Variants in SNTG1 observed in about 807,000 individuals in gnomAD.
SNTG1 encodes syntrophin gamma 1.
A neutral mutation model predicts 74.7 loss-of-function variants in SNTG1; 39 were observed. That is an observed-to-expected ratio of 0.52 (90% CI 0.40 to 0.68). SNTG1 has a LOEUF of 0.68. SNTG1 is among the 30% of genes least tolerant of loss of function. SNTG1 has a pLI of 0.00. For missense variants in SNTG1, 685 were observed against 609.5 expected, an observed-to-expected ratio of 1.12 and a Z score of -1.30; for synonymous variants, 254 against 217.1, an observed-to-expected ratio of 1.17 and a Z score of -1.49.
intron 8 of SNTG1, among the ~76,000 whole-genome samples, chr8:50,475,332 T>A (rs914841475): frequency 1.7e-4 from 26 of 152,238 alleles, no homozygotes; most frequent in African/African-American, 4.6e-4. Flanking sequence ...AAAATTTTTT[T>A]AAAATCATGA....
intron 1 of SNTG1, among the ~76,000 whole-genome samples, chr8:49,982,635 A>AGTGTGTGTGT (rs35133955): frequency 4.2e-5 from 6 of 143,158 alleles, no homozygotes; most frequent in African/African-American, 1.6e-4. Flanking sequence ...AGCCCAAAAC[A>AGTGTGTGTGT]GTGTGTGTGT....
At chr8:49,921,995 A>G (rs1026318533) in intron 1 of SNTG1, among the ~76,000 whole-genome samples, 4 of 152,062 alleles carry the variant, frequency 2.6e-5, no homozygotes, top group Non-Finnish European at 5.9e-5. Flanking sequence ...ATTCTCTTCT[A>G]CGTGATTTGC....
chr8:49,999,662 C>T lies in SNTG1; in HGVS notation c.-103+87431C>T, dbSNP rs374666979. Among the ~76,000 whole-genome samples the T allele has an allele frequency of 1.6e-4, 24 of 152,294 alleles. No individual in the cohort carries two copies. The East Asian group carries it at 3.7e-3, about 23-fold the overall frequency. On this transcript the variant is annotated intron_variant, in intron 1 of 18. Transcript: ENST00000642720. ...CTCTTCCCCCAATGTCTGCATGGCT[C>T]TCCCCATTTCTTCCTGGGGCTTAGC...
chr8:50,089,093 A>G (rs1200812543), intron 1 of SNTG1, among the ~76,000 whole-genome samples: 1 of 151,282 alleles, frequency 6.6e-6, no homozygotes, highest in Non-Finnish European at 1.5e-5. Flanking sequence ...GCCCTCAGAA[A>G]TAACGCCGCA....
intron 12 of SNTG1, among the ~76,000 whole-genome samples, chr8:50,555,184 TC>T (rs1365501482): frequency 6.6e-5 from 10 of 152,198 alleles, no homozygotes; most frequent in Non-Finnish European, 1.0e-4. Flanking sequence ...GTCATATGAT[TC>T]CCCTATACTA....
At chr8:50,468,022 C>A (rs367707806) in intron 8 of SNTG1, among the ~76,000 whole-genome samples, 2 of 131,754 alleles carry the variant, frequency 1.5e-5, no homozygotes, top group Middle Eastern at 3.8e-3. Context: ...ATTTTTTTTT[C>A]AAAAAATAGT....
At chr8:50,350,453 G>A (rs2091621856) in intron 2 of SNTG1, among the ~76,000 whole-genome samples, 1 of 152,208 alleles carries the variant, frequency 6.6e-6, no homozygotes, top group African/African-American at 2.4e-5. Context: ...TGGGCACTCT[G>A]TATCTAGTTC....
At position 50,284,674 on chromosome 8, in the gene SNTG1, G is replaced by A. The variant is rs1044291861; in HGVS notation, c.-27-109538G>A. On this transcript the variant is annotated intron_variant, in intron 2 of 18. Transcript: ENST00000642720. ...TCTTTTTACAGGAAAATGGGTATAAGCTTCTTGATCATTTGCTACTTGGTG... is the reference window on the plus strand; with the variant it reads ...TCTTTTTACAGGAAAATGGGTATAAACTTCTTGATCATTTGCTACTTGGTG... 5.9e-5 allele frequency among the ~76,000 whole-genome samples: 9 copies of A among 152,208 alleles called. No homozygotes were observed. The South Asian group carries it at 6.2e-4, about 11-fold the overall frequency.
intron 2 of SNTG1, among the ~76,000 whole-genome samples, chr8:50,229,371 G>T (rs942000282): frequency 1.3e-5 from 2 of 150,832 alleles, no homozygotes; most frequent in Non-Finnish European, 3.0e-5. Context: ...TAAATATAAA[G>T]AATTAAATAG....
At chr8:50,354,407 T>C (rs2091758649) in intron 2 of SNTG1, among the ~76,000 whole-genome samples, 1 of 152,174 alleles carries the variant, frequency 6.6e-6, no homozygotes, top group African/African-American at 2.4e-5. Context: ...TTTTTTTCCA[T>C]TTTTTGTACT....
intron 2 of SNTG1, among the ~76,000 whole-genome samples, chr8:50,211,748 A>T (rs1327198041): frequency 6.6e-6 from 1 of 152,150 alleles, no homozygotes; most frequent in Admixed American, 6.6e-5. Context: ...GAAACATTGC[A>T]ATTACAAATA....
chr8:50,420,124 A>T (rs963677071), intron 4 of SNTG1, among the ~76,000 whole-genome samples: 15 of 152,152 alleles, frequency 9.9e-5, no homozygotes, highest in Admixed American at 9.8e-4. Flanking sequence ...AAAAACATAA[A>T]GGCTGAAATT....
chr8:50,229,483 CA>C (rs2085505570), intron 2 of SNTG1, among the ~76,000 whole-genome samples: 1 of 151,226 alleles, frequency 6.6e-6, no homozygotes, highest in African/African-American at 2.4e-5. Context: ...GAAAAAAACC[CA>C]GACTTCCAAA....
intron 2 of SNTG1, among the ~76,000 whole-genome samples, chr8:50,223,971 A>T (rs1233755535): frequency 6.6e-6 from 1 of 152,144 alleles, no homozygotes; most frequent in Non-Finnish European, 1.5e-5. Context: ...AAACTGATAG[A>T]TTTAATAAAA....
rs544080486 is a variant in SNTG1, at chr8:50,335,250, A to G, written c.-27-58962A>G. The stretch of plus-strand genomic sequence containing the variant: ...TTGCAGTCATAACAGATAACCACAA[A>G]CTTGGTGGTTTAGAACACCCACATA... On this transcript the variant is annotated intron_variant, in intron 2 of 18. Coordinates refer to ENST00000642720, the MANE Select transcript of SNTG1 (RefSeq NM_018967.5). 2.0e-5 allele frequency among the ~76,000 whole-genome samples: 3 copies of G among 152,296 alleles called. No individual in the cohort carries two copies. In the East Asian group the frequency reaches 5.8e-4, roughly 29 times the overall value.
chr8:50,006,162 C>T (rs986985703), intron 1 of SNTG1, among the ~76,000 whole-genome samples: 1 of 151,832 alleles, frequency 6.6e-6, no homozygotes, highest in Non-Finnish European at 1.5e-5. Context: ...GGGGTTTCAT[C>T]GTGTTGGCCA....
intron 8 of SNTG1, among the ~76,000 whole-genome samples, chr8:50,476,857 G>GACACACACACACACACACACACAC (rs59121229): frequency 9.6e-5 from 14 of 145,966 alleles, no homozygotes; most frequent in African/African-American, 3.5e-4. Context: ...GACACACACA[G>GACACACACACACACACACACACAC]ACACACACAC....
chr8:50,433,082 G>A (rs759003785), intron 4 of SNTG1, among the ~76,000 whole-genome samples: 9 of 152,202 alleles, frequency 5.9e-5, no homozygotes, highest in East Asian at 5.8e-4. Context: ...GAGCCACTGC[G>A]CCAGGCCACA....
intron 8 of SNTG1, among the ~76,000 whole-genome samples, chr8:50,462,892 C>A (rs1239944359): frequency 7.2e-6 from 1 of 139,030 alleles, no homozygotes; most frequent in East Asian, 2.2e-4. Flanking sequence ...TCTTGGCTCA[C>A]TGTAACTGCC....
Sources: allele counts gnomAD v4.1 joint callset (sites outside exome capture counted in the v4.1 genomes callset), GRCh38; gene constraint gnomAD v4.1.1; transcripts MANE v1.5; gene names NCBI Gene and HGNC (gene_info 2026-07-23, HGNC 2026-07-21).